LINGO2: variants seen among roughly 807,000 people sequenced by gnomAD.
LINGO2 encodes leucine-rich repeat and immunoglobulin-like domain-containing nogo receptor-interacting protein 2.
In LINGO2, 14 loss-of-function variants were observed where a neutral mutation model predicts 30.6. The observed-to-expected ratio is 0.46, with a 90% CI of 0.30 to 0.72. The LOEUF (loss-of-function observed/expected upper bound fraction) is 0.72, where lower values mean the gene tolerates loss of function less well. LINGO2 is among the 30% of genes least tolerant of loss of function. LINGO2 has a pLI of 0.07. For synonymous variants in LINGO2, 317 were observed against 288.5 expected, an observed-to-expected ratio of 1.10 and a Z score of -1.00; for missense variants, 729 against 751.7, an observed-to-expected ratio of 0.97 and a Z score of 0.35.
chr9:29,111,450 C>T, the LINGO2 span, among the ~76,000 whole-genome samples: 6 of 151,950 alleles, frequency 3.9e-5, no homozygotes, highest in East Asian at 7.7e-4. Context: ...TCATTAAAAA[C>T]GATGCAAAAG....
At chr9:28,840,183 C>T in the LINGO2 span, among the ~76,000 whole-genome samples, 4 of 151,830 alleles carry the variant, frequency 2.6e-5, no homozygotes, top group South Asian at 4.1e-4. Flanking sequence ...GCTGTGACTC[C>T]GCGGCTGTGG....
chr9:29,151,649 C>T, the LINGO2 span, among the ~76,000 whole-genome samples: 8 of 151,702 alleles, frequency 5.3e-5, no homozygotes, highest in South Asian at 2.1e-4. Flanking sequence ...CAATGATCAA[C>T]GAAAAAGAAG....
the LINGO2 span, among the ~76,000 whole-genome samples, chr9:29,060,021 T>G: frequency 6.6e-6 from 1 of 152,158 alleles, no homozygotes; most frequent in African/African-American, 2.4e-5. Flanking sequence ...TCTAGAAAAC[T>G]GAAAATTTAA....
At chr9:29,127,107 G>C in the LINGO2 span, among the ~76,000 whole-genome samples, 1 of 151,918 alleles carries the variant, frequency 6.6e-6, no homozygotes, top group Admixed American at 6.6e-5. Context: ...ATTTACATAG[G>C]GTATAACCAA....
At chr9:28,996,084 G>C in the LINGO2 span, among the ~76,000 whole-genome samples, 2 of 149,892 alleles carry the variant, frequency 1.3e-5, no homozygotes, top group African/African-American at 4.9e-5. Context: ...GTTTTTGATA[G>C]GCTTTTCTGT....
intron 4 of LINGO2, among the ~76,000 whole-genome samples, chr9:28,145,759 T>A (rs1827795777): frequency 6.6e-6 from 1 of 152,158 alleles, no homozygotes; most frequent in Non-Finnish European, 1.5e-5. Context: ...TTTACACAGT[T>A]TTTATACAAT....
chr9:28,718,790 G>A, the LINGO2 span, among the ~76,000 whole-genome samples: 3 of 151,964 alleles, frequency 2.0e-5, no homozygotes, highest in African/African-American at 7.2e-5. Flanking sequence ...GTGAACAAAT[G>A]AGCCCAAACA....
chr9:28,038,287 T>TA (rs1364893408), intron 4 of LINGO2, among the ~76,000 whole-genome samples: 2 of 152,118 alleles, frequency 1.3e-5, no homozygotes, highest in African/African-American at 2.4e-5. Flanking sequence ...AGAAGGGGCC[T>TA]CTAATGAGAA....
chr9:29,053,774 CT>C, the LINGO2 span, among the ~76,000 whole-genome samples: 1 of 151,960 alleles, frequency 6.6e-6, no homozygotes. Flanking sequence ...ATAAACTAAT[CT>C]AAATTATTAA....
intron 1 of LINGO2, among the ~76,000 whole-genome samples, chr9:28,506,792 T>C (rs1820158020): frequency 6.6e-6 from 1 of 151,788 alleles, no homozygotes; most frequent in South Asian, 2.1e-4. Flanking sequence ...GTTTATGCTA[T>C]AGAAAGTACT....
the LINGO2 span, among the ~76,000 whole-genome samples, chr9:29,192,009 A>G: frequency 6.6e-6 from 1 of 152,070 alleles, no homozygotes; most frequent in African/African-American, 2.4e-5. Context: ...AATGTAAAAT[A>G]CCCCATGGGG....
intron 3 of LINGO2, among the ~76,000 whole-genome samples, chr9:28,343,253 T>C (rs1044594651): frequency 6.6e-6 from 1 of 152,170 alleles, no homozygotes; most frequent in Admixed American, 6.5e-5. Flanking sequence ...ACCTACACTT[T>C]GCTTATAGTT....
At chr9:28,544,700 A>G (rs1256983166) in intron 1 of LINGO2, among the ~76,000 whole-genome samples, 1 of 151,650 alleles carries the variant, frequency 6.6e-6, no homozygotes, top group Non-Finnish European at 1.5e-5. Flanking sequence ...ATAAGGCAAT[A>G]TATGTGAGTA....
At chr9:28,503,638 GATTA>G (rs1819982497) in intron 1 of LINGO2, among the ~76,000 whole-genome samples, 2 of 151,900 alleles carry the variant, frequency 1.3e-5, no homozygotes, top group Admixed American at 1.3e-4. Context: ...CATATACATG[GATTA>G]ATATTTGTTT....
At chr9:28,224,915 C>G (rs887695893) in intron 4 of LINGO2, among the ~76,000 whole-genome samples, 1 of 152,088 alleles carries the variant, frequency 6.6e-6, no homozygotes, top group Non-Finnish European at 1.5e-5. Context: ...AACATAAAAA[C>G]AGACACATAG....
At chr9:28,308,774 C>T (rs1824480027) in intron 3 of LINGO2, among the ~76,000 whole-genome samples, 1 of 151,760 alleles carries the variant, frequency 6.6e-6, no homozygotes, top group Non-Finnish European at 1.5e-5. Context: ...GGGTGAAGGA[C>T]ATGAACAGAC....
intron 5 of LINGO2, among the ~76,000 whole-genome samples, chr9:28,010,690 C>T (rs909605516): frequency 3.9e-5 from 6 of 152,184 alleles, no homozygotes; most frequent in East Asian, 1.9e-4. Flanking sequence ...GGCTGGCTTA[C>T]GCCTATAATC....
At chr9:28,556,985 C>G (rs1822741543) in intron 1 of LINGO2, among the ~76,000 whole-genome samples, 1 of 151,926 alleles carries the variant, frequency 6.6e-6, no homozygotes, top group South Asian at 2.1e-4. Context: ...ACACCTTATA[C>G]AAAAATCAAT....
the LINGO2 span, among the ~76,000 whole-genome samples, chr9:29,204,015 T>C: frequency 1.3e-5 from 2 of 152,244 alleles, no homozygotes; most frequent in East Asian, 1.9e-4. Flanking sequence ...ATGTGCCTTA[T>C]GCAACTGTGA....
Sources: allele counts gnomAD v4.1 joint callset (sites outside exome capture counted in the v4.1 genomes callset), GRCh38; gene constraint gnomAD v4.1.1; transcripts MANE v1.5; gene names NCBI Gene and HGNC (gene_info 2026-07-23, HGNC 2026-07-21).